The following ARHGAP8 variants were observed in gnomAD, a reference collection of about 807,000 sequenced individuals.
ARHGAP8 encodes the protein Rho GTPase activating protein 8, also known as rho GTPase-activating protein 8.
In ARHGAP8, 62 loss-of-function variants were observed where a neutral mutation model predicts 46.1. The observed-to-expected ratio is 1.34, with a 90% confidence interval of 1.10 to 1.66. The LOEUF (loss-of-function observed/expected upper bound fraction) is 1.66, where lower values mean the gene tolerates loss of function less well. Among genes scored for constraint, ARHGAP8 ranks in the 40% most tolerant of loss-of-function variants. The pLI is 0.00. For synonymous variants in ARHGAP8, 375 were observed against 243.1 expected (o/e 1.54, Z -5.05); for missense variants, 923 against 568.4 (o/e 1.62, Z -6.34).
At chr22:44,827,542 C>T (rs1250966447) in intron 7 of ARHGAP8, among the ~76,000 whole-genome samples, 2 of 151,900 alleles carry the variant, frequency 1.3e-5, no homozygotes, top group Non-Finnish European at 2.9e-5. Flanking sequence ...GGGGTTTCAC[C>T]ATGTTGGCCA....
intron 7 of ARHGAP8, among the ~76,000 whole-genome samples, chr22:44,837,212 C>A (rs558635987): frequency 1.3e-5 from 2 of 152,302 alleles, no homozygotes; most frequent in Non-Finnish European, 2.9e-5. Context: ...GTCACAATTT[C>A]TCCTTATTTG....
chr22:44,791,312 C>T (rs999174642), intron 2 of ARHGAP8, among the ~76,000 whole-genome samples: 5 of 152,116 alleles, frequency 3.3e-5, no homozygotes, highest in Non-Finnish European at 5.9e-5. Flanking sequence ...TGAGCCAGGG[C>T]CTCGATGCTG....
chr22:44,811,118 T>C (rs1929303986), intron 4 of ARHGAP8, among the ~76,000 whole-genome samples: 1 of 152,222 alleles, frequency 6.6e-6, no homozygotes, highest in Non-Finnish European at 1.5e-5. Flanking sequence ...CCCAGGGTGC[T>C]TTCCCTTCCC....
intron 1 of ARHGAP8, among the ~76,000 whole-genome samples, chr22:44,772,249 T>C (rs2147014554): frequency 7.2e-6 from 1 of 139,682 alleles, no homozygotes; most frequent in African/African-American, 2.7e-5. Context: ...TTTTTTTTTT[T>C]TTTTCAAGAC....
chr22:44,849,410 A>T (rs933057198), intron 10 of ARHGAP8: 1 of 302,518 alleles, frequency 3.3e-6, no homozygotes, highest in African/African-American at 2.2e-5. Context: ...CCAGACCCTC[A>T]GCTCTCTCAT....
intron 2 of ARHGAP8, among the ~76,000 whole-genome samples, chr22:44,794,770 A>G (rs530203305): frequency 2.6e-5 from 4 of 152,176 alleles, no homozygotes; most frequent in Admixed American, 2.6e-4. Context: ...CTACAGATGT[A>G]GAAATAATAG....
chr22:44,809,202 C>T (rs903882632), intron 4 of ARHGAP8: 3 of 470,608 alleles, frequency 6.4e-6, no homozygotes, highest in Admixed American at 2.4e-5. Context: ...CTCTGCTGGA[C>T]TGTGTTCCAG....
chr22:44,860,378 CCTCTCCCAGCTCCTGGT>C (rs1444716978), intron 11 of ARHGAP8, among the ~76,000 whole-genome samples: 1 of 152,128 alleles, frequency 6.6e-6, no homozygotes, highest in Non-Finnish European at 1.5e-5. Context: ...CCCTTCCTGG[CCTCTCCCAGCTCCTGGT>C]CACTCCAGCT....
chr22:44,862,514 TGTGCCACGGACAC>T lies in ARHGAP8; in HGVS notation c.1222_1234del (p.Val408LysfsTer15), dbSNP rs2070547569. On this transcript the variant is annotated frameshift_variant, in exon 12 of 12. Transcript: ENST00000356099. LOFTEE classifies it low-confidence loss of function (END_TRUNC). Reference sequence around the variant, plus strand: ...GCAGGGCAGCCCCTTTGCAGGAGGCTGTGCCACGGACACAAGCCACGGGCCTCACCAAGCCTAC... The same window carrying T: ...GCAGGGCAGCCCCTTTGCAGGAGGCTAAGCCACGGGCCTCACCAAGCCTAC... 1 of 1,612,714 alleles carries T rather than the reference TGTGCCACGGACAC, an allele frequency of 6.2e-7. No homozygotes were observed. Among genetic ancestry groups the T allele is most frequent in the African/African-American group, 1.3e-5 (1 of 74,920 alleles).
chr22:44,792,829 G>T (rs61515705), intron 2 of ARHGAP8, among the ~76,000 whole-genome samples: 25 of 45,540 alleles, frequency 5.5e-4, no homozygotes, highest in South Asian at 4.2e-3. Context: ...TGTTTTTTTG[G>T]TTTTTTTTTT....
intron 8 of ARHGAP8, 71 bp from the exon 9 acceptor site, chr22:44,847,902 A>C: frequency 6.3e-7 from 1 of 1,575,640 alleles, no homozygotes; most frequent in Non-Finnish European, 8.6e-7. Flanking sequence ...TGGGCAGGGG[A>C]GTGTCATATA....
At chr22:44,761,105 G>A (rs1002482023) in intron 1 of ARHGAP8, among the ~76,000 whole-genome samples, 11 of 152,312 alleles carry the variant, frequency 7.2e-5, no homozygotes, top group Middle Eastern at 3.4e-3. Flanking sequence ...TAGGCACCAC[G>A]GATACTGTTT....
rs183054300 is a variant in ARHGAP8 at position 44,797,964 on chromosome 22, C to T, written c.80-4113C>T. Among the ~76,000 whole-genome samples the T allele has an allele frequency of 7.8e-3, 1,166 of 149,796 alleles. 20 individuals carry two copies. Among genetic ancestry groups the T allele is most frequent in the African/African-American group, 0.027 (1,120 of 40,730 alleles). On this transcript the variant is annotated intron_variant, in intron 2 of 11. Transcript: ENST00000356099. ...CTGGGATTACAGGCGTGAGCCACCGCACCTGGCCAATAAGATTTTTTTTTT... is the reference window on the plus strand; with the variant it reads ...CTGGGATTACAGGCGTGAGCCACCGTACCTGGCCAATAAGATTTTTTTTTT...
At chr22:44,792,100 C>T (rs2147060223) in intron 2 of ARHGAP8, among the ~76,000 whole-genome samples, 1 of 151,962 alleles carries the variant, frequency 6.6e-6, no homozygotes, top group East Asian at 1.9e-4. Context: ...GCAACCTCCA[C>T]CTCCCAGGTT....
At position 44,818,213 on chromosome 22, in the gene ARHGAP8, C is replaced by T. The variant is rs143949694; in HGVS notation, c.386+3455C>T. 7.3e-3 allele frequency among the ~76,000 whole-genome samples: 1,117 copies of T among 152,226 alleles called. 17 individuals are homozygous for T. The highest frequency in any genetic ancestry group is 0.025 in the African/African-American group (1,052 of 41,534). On this transcript the variant is annotated intron_variant, in intron 5 of 11. Transcript: ENST00000356099. ...CCTGTAATCCCAGCACTTTGGGAGG[C>T]CGAGATGGGAGGATCACTTGAGGTC... is the stretch of plus-strand genomic sequence containing the variant.
intron 1 of ARHGAP8, among the ~76,000 whole-genome samples, chr22:44,779,561 A>G (rs1926684539): frequency 6.8e-5 from 5 of 73,806 alleles, no homozygotes; most frequent in Admixed American, 1.8e-4. Flanking sequence ...TTCCAGTTTG[A>G]GGATTTTTTT....
intron 10 of ARHGAP8, among the ~76,000 whole-genome samples, chr22:44,856,120 C>T (rs1302442293): frequency 6.6e-6 from 1 of 152,008 alleles, no homozygotes. Flanking sequence ...GAAATCTGTC[C>T]CCATGATTTA....
chr22:44,790,311 CTG>C (rs1455439717), intron 2 of ARHGAP8, among the ~76,000 whole-genome samples: 3 of 151,932 alleles, frequency 2.0e-5, no homozygotes, highest in Non-Finnish European at 2.9e-5. Context: ...AAACCAAAAA[CTG>C]GGGGTGAGGG....
At chr22:44,797,091 C>T (rs576716255) in intron 2 of ARHGAP8, among the ~76,000 whole-genome samples, 5 of 152,178 alleles carry the variant, frequency 3.3e-5, no homozygotes, top group Non-Finnish European at 7.3e-5. Flanking sequence ...CTTCTCTCCC[C>T]GGAGCTGAGT....
Sources: allele counts gnomAD v4.1 joint callset (sites outside exome capture counted in the v4.1 genomes callset), GRCh38; gene constraint gnomAD v4.1.1; transcripts MANE v1.5; gene names NCBI Gene and HGNC (gene_info 2026-07-23, HGNC 2026-07-21).